PPP1R42: variants seen among roughly 807,000 people sequenced by gnomAD.
PPP1R42 encodes protein phosphatase 1 regulatory subunit 42.
In PPP1R42, 34 loss-of-function variants were observed where a neutral mutation model predicts 31.0. The ratio of observed to expected loss-of-function variants is 1.10; its 90% CI spans 0.83 to 1.46. PPP1R42 has a LOEUF of 1.46. Ranked by LOEUF, PPP1R42 falls within the 40% of genes most tolerant of loss-of-function variation. PPP1R42 has a pLI of 0.00. For synonymous variants in PPP1R42, 103 were observed against 109.8 expected, an observed-to-expected ratio of 0.94 and a Z score of 0.39; for missense variants, 268 against 303.0, an observed-to-expected ratio of 0.88 and a Z score of 0.86.
In PPP1R42 at chr8:67,017,727, A is replaced by T. The variant is rs1268393726; in HGVS notation, c.21T>A (p.Asp7Glu). The T allele has an allele frequency of 1.3e-6, 2 of 1,594,064 alleles. No homozygotes were observed. Among genetic ancestry groups the T allele is most frequent in the African/African-American group, 2.7e-5 (2 of 74,334 alleles). The change falls in exon 2 of 8, where the codon GAT (aspartate) becomes GAA (glutamate). Residue 7 changes from aspartate (D) to glutamate (E), a missense_variant. By Grantham distance (45) the Asp-to-Glu change is conservative. Coordinates refer to ENST00000685739, the MANE Select transcript of PPP1R42 (RefSeq NM_001364910.1). The part of the protein sequence containing the change: MVRLTL[D>E]LIARNSNLKP... The stretch of plus-strand genomic sequence containing the variant: ...TAAGATTGCTGTTTCTGGCAATTAG[A>T]TCCAAGGTCAGTCGAACCATAATTT...
chr8:66,991,904 C>A (rs1255950088), intron 5 of PPP1R42, among the ~76,000 whole-genome samples: 1 of 152,206 alleles, frequency 6.6e-6, no homozygotes, highest in African/African-American at 2.4e-5. Context: ...GAGACAGAAG[C>A]CGAGATTCTG....
intron 6 of PPP1R42, among the ~76,000 whole-genome samples, chr8:66,983,875 T>C (rs1814922598): frequency 6.6e-6 from 1 of 152,180 alleles, no homozygotes; most frequent in African/African-American, 2.4e-5. Context: ...GTCAAACATC[T>C]TAGTACTTAT....
chr8:67,017,073 G>A (rs1188061085), intron 2 of PPP1R42, among the ~76,000 whole-genome samples: 2 of 151,764 alleles, frequency 1.3e-5, no homozygotes, highest in Admixed American at 6.6e-5. Flanking sequence ...TTTAATCTAT[G>A]TATTTAAAAA....
intron 1 of PPP1R42, among the ~76,000 whole-genome samples, chr8:67,019,467 T>G (rs901426327): frequency 4.1e-5 from 6 of 146,420 alleles, no homozygotes; most frequent in African/African-American, 1.5e-4. Context: ...CTTGAACTCC[T>G]GACCTCGTGA....
At chr8:66,965,476 G>A (rs376903631) in intron 7 of PPP1R42, among the ~76,000 whole-genome samples, 2 of 146,026 alleles carry the variant, frequency 1.4e-5, no homozygotes, top group African/African-American at 2.5e-5. Context: ...TCATTCTGTC[G>A]CCCAGGCTGG....
chr8:66,966,629 CA>C (rs1228291079), intron 7 of PPP1R42, among the ~76,000 whole-genome samples: 3 of 151,848 alleles, frequency 2.0e-5, no homozygotes, highest in Non-Finnish European at 4.4e-5. Flanking sequence ...ACTAAAAACA[CA>C]AAAAACTGGC....
At chr8:66,985,524 G>C (rs1814981935) in intron 6 of PPP1R42, 1 of 1,238,876 alleles carries the variant, frequency 8.1e-7, no homozygotes, top group Admixed American at 1.7e-5. Flanking sequence ...CCATGTCATG[G>C]AGATTAGACG....
intron 5 of PPP1R42, among the ~76,000 whole-genome samples, chr8:67,004,844 A>G (rs1311198656): frequency 1.3e-5 from 2 of 152,164 alleles, no homozygotes; most frequent in African/African-American, 4.8e-5. Context: ...TGCAAGGGCA[A>G]GGCTTGTTGA....
At position 67,028,478 on chromosome 8, in the gene PPP1R42, G is replaced by C; in HGVS notation, c.-85+13C>G. On this transcript the variant is annotated intron_variant, in intron 1 of 7. Coordinates refer to ENST00000685739, the MANE Select transcript of PPP1R42 (RefSeq NM_001364910.1). ...TCCTCGGTCCCCACGCTTATTCCCC[G>C]CGGGCAGCTCACCGCTCGCGGGACA... is the stretch of plus-strand genomic sequence containing the variant. 3.0e-6 allele frequency: 3 copies of C among 985,436 alleles called. No homozygotes were observed. The highest frequency in any genetic ancestry group is 3.6e-6 in the Non-Finnish European group (3 of 829,900). 61.0% of individuals were successfully genotyped at this position (985,436 alleles called of 1,614,324 possible).
intron 1 of PPP1R42, among the ~76,000 whole-genome samples, chr8:67,023,341 C>T (rs535459141): frequency 2.6e-5 from 4 of 152,158 alleles, no homozygotes; most frequent in Admixed American, 1.3e-4. Flanking sequence ...AACTCTTGGG[C>T]GAAAGCAATC....
chr8:67,026,987 GC>G (rs1159611004), intron 1 of PPP1R42: 5 of 148,708 alleles, frequency 3.4e-5, no homozygotes, highest in African/African-American at 1.2e-4. Context: ...TGCAACCTCT[GC>G]CTTCTGGGTT....
chr8:66,969,396 G>A (rs1451930619), intron 7 of PPP1R42, among the ~76,000 whole-genome samples: 2 of 152,244 alleles, frequency 1.3e-5, no homozygotes, highest in African/African-American at 4.8e-5. Context: ...CTATGGACAA[G>A]TAGGCAATGG....
At chr8:66,988,764 T>TC (rs1443655581) in intron 5 of PPP1R42, among the ~76,000 whole-genome samples, 1 of 152,136 alleles carries the variant, frequency 6.6e-6, no homozygotes, top group African/African-American at 2.4e-5. Context: ...TCTGTCATAC[T>TC]CCCTTAAATG....
At chr8:67,011,191 G>A (rs555843286) in intron 4 of PPP1R42, among the ~76,000 whole-genome samples, 2 of 152,288 alleles carry the variant, frequency 1.3e-5, no homozygotes, top group East Asian at 3.9e-4. Context: ...AATGCTTACT[G>A]TAGCTTTAGC....
intron 7 of PPP1R42, among the ~76,000 whole-genome samples, chr8:66,968,807 A>G (rs1243818964): frequency 6.6e-6 from 1 of 152,186 alleles, no homozygotes; most frequent in African/African-American, 2.4e-5. Context: ...TTGATATACT[A>G]AAACAATATT....
chr8:66,988,051 C>A, intron 6 of PPP1R42: 3 of 713,664 alleles, frequency 4.2e-6, no homozygotes, highest in Non-Finnish European at 5.2e-6. Flanking sequence ...TCTACAGAAC[C>A]AAGAGCTAAG....
chr8:66,997,317 T>C (rs1815361555), intron 5 of PPP1R42, among the ~76,000 whole-genome samples: 1 of 152,186 alleles, frequency 6.6e-6, no homozygotes, highest in South Asian at 2.1e-4. Flanking sequence ...ATTTTATTTT[T>C]GAGAAAGGAT....
intron 6 of PPP1R42, among the ~76,000 whole-genome samples, chr8:66,987,199 C>T (rs1279666553): frequency 2.6e-5 from 4 of 151,820 alleles, no homozygotes; most frequent in African/African-American, 9.7e-5. Context: ...TCTCTTCTTC[C>T]TCATGTTAAT....
At chr8:66,964,474 C>A in intron 7 of PPP1R42, 140 bp from the exon 8 acceptor site, 1 of 295,886 alleles carries the variant, frequency 3.4e-6, no homozygotes, top group Non-Finnish European at 6.0e-6. Flanking sequence ...TGAATCTTGT[C>A]GGGCTTTAAA....
Sources: gnomAD v4.1 joint callset for allele counts (sites outside exome capture counted in the v4.1 genomes callset) on GRCh38, gnomAD v4.1.1 for gene constraint, MANE v1.5 for transcripts, NCBI Gene and HGNC (gene_info 2026-07-23, HGNC 2026-07-21) for gene names.